ARHGEF4: variants seen among roughly 807,000 people sequenced by gnomAD.
The protein encoded by ARHGEF4 is APC-stimulated guanine nucleotide exchange factor 1.
In ARHGEF4, 119 loss-of-function variants were observed where a neutral mutation model predicts 162.0. That is an observed-to-expected ratio of 0.73 (90% confidence interval 0.63 to 0.86). ARHGEF4 has a LOEUF of 0.86. ARHGEF4 is among the 40% of genes least tolerant of loss of function. The probability of loss-of-function intolerance (pLI) is 0.00; values close to 1 mark genes in which losing one functional copy is unlikely to be tolerated. For synonymous variants in ARHGEF4, 1,014 were observed against 979.9 expected (o/e 1.03, Z -0.65); for missense variants, 2,488 against 2,456.0 (o/e 1.01, Z -0.28).
rs76409237 is a variant in ARHGEF4, at chr2:130,853,117, C to T, written c.39+16125C>T. Among the ~76,000 whole-genome samples, 26 of 152,312 alleles carry T rather than the reference C, an allele frequency of 1.7e-4. No individual in the cohort carries two copies. The East Asian group carries it at 4.8e-3, about 28-fold the overall frequency. ...CTGTTTCTCAAATGTCCTGCTTGGC[C>T]TTCATATGGCACCATGAGGGACCCC... On this transcript the variant is annotated intron_variant, in intron 1 of 13. Coordinates refer to ENST00000409359, the MANE Select transcript of ARHGEF4 (RefSeq NM_001367493.1).
chr2:130,855,189 A>G (rs750256790), intron 1 of ARHGEF4, among the ~76,000 whole-genome samples: 14 of 151,886 alleles, frequency 9.2e-5, no homozygotes, highest in Non-Finnish European at 1.8e-4. Flanking sequence ...GAGTCTTTTT[A>G]CTTGAAACAA....
intron 1 of ARHGEF4, among the ~76,000 whole-genome samples, chr2:130,882,606 G>A (rs1679267452): frequency 6.6e-6 from 1 of 152,016 alleles, no homozygotes; most frequent in African/African-American, 2.4e-5. Context: ...CTTGGGGGAA[G>A]GACAGAGGCC....
chr2:131,040,198 G>C lies in ARHGEF4; in HGVS notation c.4482+6G>C, dbSNP rs1161790839. 1 of 1,609,184 alleles carries C rather than the reference G, an allele frequency of 6.2e-7. No individual in the cohort carries two copies. On this transcript the variant is annotated splice_donor_region_variant and intron_variant, in intron 7 of 13. Transcript: ENST00000409359. ...ACCTGCGCGACATCTGCGAGGTGAG[G>C]CCCGGCCGGCGGGCGGTGACTGGGG...
At chr2:131,005,353 C>T (rs979911392) in intron 4 of ARHGEF4, among the ~76,000 whole-genome samples, 5 of 152,102 alleles carry the variant, frequency 3.3e-5, no homozygotes, top group Non-Finnish European at 4.4e-5. Context: ...GGTGAGCTAC[C>T]GATGACATGG....
intron 4 of ARHGEF4, among the ~76,000 whole-genome samples, chr2:130,974,236 C>T (rs1685548749): frequency 6.6e-6 from 1 of 151,028 alleles, no homozygotes; most frequent in African/African-American, 2.4e-5. Flanking sequence ...CACACCACTG[C>T]ACTCCAGATG....
At chr2:130,917,705 G>C (rs1294791926) in intron 2 of ARHGEF4, among the ~76,000 whole-genome samples, 1 of 151,870 alleles carries the variant, frequency 6.6e-6, no homozygotes, top group Non-Finnish European at 1.5e-5. Context: ...AGCCAGAATT[G>C]GCATTTCATG....
intron 1 of ARHGEF4, among the ~76,000 whole-genome samples, chr2:130,841,027 C>T (rs1399545242): frequency 2.0e-5 from 3 of 152,172 alleles, no homozygotes; most frequent in Non-Finnish European, 4.4e-5. Context: ...TCTAGGCACT[C>T]ATGGTAGACT....
In ARHGEF4 at chr2:130,931,183, A is replaced by C. The variant is rs746291445; in HGVS notation, c.3784A>C (p.Arg1262=). ...TGACCTGTGGCTGGAGAAGACACAGAGAAAGAAGTTGCAGAAGCAGGCCCA... is the reference window on the plus strand; with the variant it reads ...TGACCTGTGGCTGGAGAAGACACAGCGAAAGAAGTTGCAGAAGCAGGCCCA... ...VDDLWLEKTQ[R]KKLQKQAHVE... is the part of the protein sequence containing the mutation. The change falls in exon 3 of 14, where the codon AGA becomes CGA. Residue 1262 remains arginine (R), a synonymous_variant. Transcript: ENST00000409359. 6.2e-7 allele frequency: 1 copy of C among 1,614,122 alleles called. No homozygotes were observed. Among genetic ancestry groups the C allele is most frequent in the Admixed American group, 1.7e-5 (1 of 60,030 alleles).
intron 4 of ARHGEF4, among the ~76,000 whole-genome samples, chr2:130,986,679 C>A (rs1306064262): frequency 6.6e-6 from 1 of 152,012 alleles, no homozygotes; most frequent in East Asian, 1.9e-4. Flanking sequence ...TTGGGCCCAG[C>A]GGGAAGAATG....
At chr2:131,009,955 TTTTTG>T (rs1000047149) in intron 4 of ARHGEF4, among the ~76,000 whole-genome samples, 5 of 152,102 alleles carry the variant, frequency 3.3e-5, no homozygotes, top group African/African-American at 7.2e-5. Context: ...TCTGAAGAGG[TTTTTG>T]TTTTGTTTTG....
At chr2:130,901,017 G>T (rs1311709662) in intron 1 of ARHGEF4, among the ~76,000 whole-genome samples, 1 of 152,104 alleles carries the variant, frequency 6.6e-6, no homozygotes, top group East Asian at 1.9e-4. Context: ...AGGATAGAGA[G>T]CACTTTCCCT....
intron 4 of ARHGEF4, among the ~76,000 whole-genome samples, chr2:131,022,235 C>T (rs1689179694): frequency 6.6e-6 from 1 of 152,138 alleles, no homozygotes; most frequent in African/African-American, 2.4e-5. Context: ...GTTGATTATA[C>T]TTTAAATATT....
At chr2:130,926,012 C>CTTTT (rs60718279) in intron 2 of ARHGEF4, among the ~76,000 whole-genome samples, 2 of 110,362 alleles carry the variant, frequency 1.8e-5, no homozygotes, top group Non-Finnish European at 3.8e-5. Flanking sequence ...GTTTGGTTTT[C>CTTTT]TCTCTTTCTT....
intron 1 of ARHGEF4, among the ~76,000 whole-genome samples, chr2:130,844,147 C>A (rs553598796): frequency 1.3e-5 from 2 of 152,250 alleles, no homozygotes; most frequent in African/African-American, 2.4e-5. Context: ...TCCCGCTGAG[C>A]GCAACTAGCT....
chr2:130,912,823 C>T (rs937550468), intron 1 of ARHGEF4, among the ~76,000 whole-genome samples: 1 of 152,108 alleles, frequency 6.6e-6, no homozygotes, highest in East Asian at 1.9e-4. Flanking sequence ...TTCAATAGTC[C>T]CCCCTTATGC....
In ARHGEF4 at chr2:131,046,289, G is replaced by C; in HGVS notation, c.*100G>C. On this transcript the variant is annotated 3_prime_UTR_variant, in exon 14 of 14. Coordinates refer to ENST00000409359, the MANE Select transcript of ARHGEF4 (RefSeq NM_001367493.1). ...CGGCCTGGCCTTCCTCTGCCTGCAA[G>C]TGAGCAGGGATGGGCTGGGGAGTTG... is the stretch of plus-strand genomic sequence containing the variant. 1 of 1,274,740 alleles carries C rather than the reference G, an allele frequency of 7.8e-7. No homozygotes were observed. Among genetic ancestry groups the C allele is most frequent in the South Asian group, 1.4e-5 (1 of 70,696 alleles). 79.0% of individuals were successfully genotyped at this position (1,274,740 alleles called of 1,614,324 possible). A position where few individuals can be genotyped will look rare whatever the true frequency, so the allele number is the denominator to read the frequency against.
At chr2:130,990,228 A>G (rs1686849666) in intron 4 of ARHGEF4, among the ~76,000 whole-genome samples, 1 of 152,190 alleles carries the variant, frequency 6.6e-6, no homozygotes, top group African/African-American at 2.4e-5. Flanking sequence ...TTCTCTTTTT[A>G]AATCTCTGTA....
At chr2:130,873,300 AG>A (rs1173691191) in intron 1 of ARHGEF4, among the ~76,000 whole-genome samples, 1 of 152,202 alleles carries the variant, frequency 6.6e-6, no homozygotes, top group Non-Finnish European at 1.5e-5. Flanking sequence ...TTATGAAGGA[AG>A]AAAATAGGCC....
chr2:131,044,233 T>C (rs1573715021), intron 11 of ARHGEF4, 66 bp from the exon 12 acceptor site: 1 of 1,577,074 alleles, frequency 6.3e-7, no homozygotes, highest in Non-Finnish European at 8.6e-7. Context: ...GGAGAGGAGG[T>C]GGGAGCAGCC....
Sources: allele counts gnomAD v4.1 joint callset (sites outside exome capture counted in the v4.1 genomes callset), GRCh38; gene constraint gnomAD v4.1.1; transcripts MANE v1.5; gene names NCBI Gene and HGNC (gene_info 2026-07-23, HGNC 2026-07-21).